BANK1: variants seen among roughly 807,000 people sequenced by gnomAD.
BANK1 encodes B-cell scaffold protein with ankyrin repeats.
Under a neutral mutation model 94.5 loss-of-function variants are expected in BANK1, and 95 were observed. The observed-to-expected ratio is 1.00, with a 90% CI of 0.85 to 1.19. BANK1 has a LOEUF of 1.19. BANK1 is among the 50% of genes most tolerant of loss of function. The pLI, the probability that BANK1 is intolerant of heterozygous loss-of-function variation, is 0.00. For missense variants in BANK1, 987 were observed against 932.2 expected, an observed-to-expected ratio of 1.06 and a Z score of -0.77; for synonymous variants, 334 against 308.4, an observed-to-expected ratio of 1.08 and a Z score of -0.87.
chr4:101,978,904 A>G (rs1725231437), intron 7 of BANK1, among the ~76,000 whole-genome samples: 1 of 152,106 alleles, frequency 6.6e-6, no homozygotes, highest in South Asian at 2.1e-4. Flanking sequence ...CAATGTAATG[A>G]TACATCCTTT....
intron 7 of BANK1, among the ~76,000 whole-genome samples, chr4:101,957,844 C>CTTTT (rs776142689): frequency 4.6e-5 from 4 of 87,624 alleles, no homozygotes; most frequent in Non-Finnish European, 5.7e-5. Flanking sequence ...TTGTTTTTTG[C>CTTTT]TTTTTTTTTT....
At chr4:101,829,122 A>G (rs1726502093) in intron 1 of BANK1, among the ~76,000 whole-genome samples, 1 of 152,056 alleles carries the variant, frequency 6.6e-6, no homozygotes, top group Admixed American at 6.6e-5. Context: ...TCAGCCTCCC[A>G]AAGTGCTGGG....
intron 7 of BANK1, among the ~76,000 whole-genome samples, chr4:101,931,242 A>G (rs1723329986): frequency 6.6e-6 from 1 of 151,532 alleles, no homozygotes; most frequent in African/African-American, 2.4e-5. Context: ...TTCTGTGGGG[A>G]TAATTTGAAT....
Position 101,851,372 on chromosome 4 carries a change from G to A in BANK1, c.470-3663G>A, listed in dbSNP as rs142537512. 3.6e-3 allele frequency among the ~76,000 whole-genome samples: 543 copies of A among 152,280 alleles called. 4 individuals carry two copies. The highest frequency in any genetic ancestry group is 0.012 in the African/African-American group (505 of 41,556). On this transcript the variant is annotated intron_variant, in intron 2 of 16. Coordinates refer to ENST00000322953, the MANE Select transcript of BANK1 (RefSeq NM_017935.5). ...ATCATTTAAAAAAACCTAACTAGGC[G>A]TGGATTTATTTGATTATTAAACCAG...
chr4:101,892,975 T>A (rs1219424488), intron 5 of BANK1, among the ~76,000 whole-genome samples: 1 of 152,028 alleles, frequency 6.6e-6, no homozygotes, highest in East Asian at 1.9e-4. Context: ...ACATCTTTGT[T>A]TTGTGTTATA....
chr4:101,950,066 TGC>T lies in BANK1; in HGVS notation c.1206+31884_1206+31885del, dbSNP rs1271693112. 5.7e-3 allele frequency among the ~76,000 whole-genome samples: 698 copies of T among 121,948 alleles called. 12 individuals are homozygous for T. The East Asian group carries it at 0.065, about 11-fold the overall frequency. 80.0% of individuals were successfully genotyped at this position (121,948 alleles called of 152,430 possible). A position where few individuals can be genotyped will look rare whatever the true frequency, so the allele number is the denominator to read the frequency against. The stretch of plus-strand genomic sequence containing the variant: ...GTGTGTGTGTGTGTGTGTGTGCGCG[TGC>T]GCGCGCATGTGCCTACACAAATGAG... On this transcript the variant is annotated intron_variant, in intron 7 of 16. Transcript: ENST00000322953.
At chr4:102,054,518 C>T (rs1728163573) in intron 11 of BANK1, among the ~76,000 whole-genome samples, 1 of 152,064 alleles carries the variant, frequency 6.6e-6, no homozygotes, top group Non-Finnish European at 1.5e-5. Flanking sequence ...TACAATCTCC[C>T]TCATAAAAAG....
rs147031500 is a variant in BANK1, at chr4:101,825,789, G to T, written c.71-4019G>T. On this transcript the variant is annotated intron_variant, in intron 1 of 16. Coordinates refer to ENST00000322953, the MANE Select transcript of BANK1 (RefSeq NM_017935.5). ...GAATGATATTTGATGTCAAATTCAG[G>T]TTTTTGAGAATTGTCATATGAGGTT... Among the ~76,000 whole-genome samples the T allele has an allele frequency of 3.4e-3, 520 of 152,094 alleles. 4 individuals carry two copies. The highest frequency in any genetic ancestry group is 0.012 in the African/African-American group (501 of 41,532).
At chr4:101,968,071 A>G (rs1298841404) in intron 7 of BANK1, among the ~76,000 whole-genome samples, 4 of 152,042 alleles carry the variant, frequency 2.6e-5, no homozygotes, top group African/African-American at 9.7e-5. Flanking sequence ...AAAGTGAACA[A>G]TGATTTCTTA....
intron 5 of BANK1, among the ~76,000 whole-genome samples, chr4:101,886,206 T>A (rs1728849386): frequency 6.6e-6 from 1 of 152,074 alleles, no homozygotes; most frequent in Non-Finnish European, 1.5e-5. Flanking sequence ...GGTGAAAAAA[T>A]TTTATACATT....
chr4:101,888,219 T>G (rs1728925232), intron 5 of BANK1, among the ~76,000 whole-genome samples: 1 of 152,226 alleles, frequency 6.6e-6, no homozygotes, highest in African/African-American at 2.4e-5. Flanking sequence ...CTACCTCCAT[T>G]TATGGAAGCT....
chr4:101,872,542 T>C (rs556793922), intron 5 of BANK1, among the ~76,000 whole-genome samples: 2 of 152,182 alleles, frequency 1.3e-5, no homozygotes, highest in Non-Finnish European at 2.9e-5. Flanking sequence ...TTTCTACCCC[T>C]GAGGAAGCAA....
chr4:102,019,915 T>C (rs1331764732), intron 7 of BANK1, among the ~76,000 whole-genome samples: 1 of 152,162 alleles, frequency 6.6e-6, no homozygotes, highest in Non-Finnish European at 1.5e-5. Context: ...TTTCTTAATT[T>C]AGAGGCAGAT....
intron 7 of BANK1, among the ~76,000 whole-genome samples, chr4:101,977,773 C>T (rs1725184915): frequency 6.6e-6 from 1 of 152,072 alleles, no homozygotes; most frequent in Admixed American, 6.6e-5. Flanking sequence ...TATTATTTCT[C>T]CATTGTTCTT....
intron 7 of BANK1, among the ~76,000 whole-genome samples, chr4:101,936,765 T>A (rs188321716): frequency 1.1e-3 from 161 of 151,612 alleles, no homozygotes; most frequent in Non-Finnish European, 1.9e-3. Context: ...AGATGTTATC[T>A]CACCCCAGTT....
chr4:101,828,621 A>G (rs1415478525), intron 1 of BANK1, among the ~76,000 whole-genome samples: 1 of 151,992 alleles, frequency 6.6e-6, no homozygotes, highest in African/African-American at 2.4e-5. Flanking sequence ...CGATTCATCC[A>G]TGTTGCATGT....
At position 101,980,210 on chromosome 4, in the gene BANK1, AC is replaced by A. The variant is rs1355545474; in HGVS notation, c.1207-41303del. On this transcript the variant is annotated intron_variant, in intron 7 of 16. Coordinates refer to ENST00000322953, the MANE Select transcript of BANK1 (RefSeq NM_017935.5). ...ATTTCTGTGTCAATGTTAGAAAATT[AC>A]TCAAGAGACTCTAAAGAATTCTGCT... Among the ~76,000 whole-genome samples the A allele has an allele frequency of 1.3e-5, 2 of 151,838 alleles. 1 individual carries two copies. The highest frequency in any genetic ancestry group is 4.1e-4 in the South Asian group (2 of 4,820).
chr4:102,002,399 AGT>A (rs1347591359), intron 7 of BANK1, among the ~76,000 whole-genome samples: 1 of 152,142 alleles, frequency 6.6e-6, no homozygotes, highest in African/African-American at 2.4e-5. Flanking sequence ...TACCAAAGAA[AGT>A]GTGTAGTTTT....
At chr4:102,007,688 G>A (rs1281604600) in intron 7 of BANK1, among the ~76,000 whole-genome samples, 1 of 152,006 alleles carries the variant, frequency 6.6e-6, no homozygotes, top group Non-Finnish European at 1.5e-5. Flanking sequence ...ACGGTAACAT[G>A]TTCTAGAAAA....
Sources: gnomAD v4.1 joint callset for allele counts (sites outside exome capture counted in the v4.1 genomes callset) on GRCh38, gnomAD v4.1.1 for gene constraint, MANE v1.5 for transcripts, NCBI Gene and HGNC (gene_info 2026-07-23, HGNC 2026-07-21) for gene names.